TASOR: variants seen among roughly 807,000 people sequenced by gnomAD.
TASOR encodes protein TASOR.
A neutral mutation model predicts 178.6 loss-of-function variants in TASOR; 53 were observed. The observed-to-expected ratio is 0.30, with a 90% CI of 0.24 to 0.37. The LOEUF is 0.37. Among genes scored for constraint, TASOR ranks in the 10% least tolerant of loss-of-function variants. The probability of loss-of-function intolerance (pLI) is 1.00; values close to 1 mark genes in which losing one functional copy is unlikely to be tolerated. For synonymous variants in TASOR, 713 were observed against 696.2 expected, an observed-to-expected ratio of 1.02 and a Z score of -0.38; for missense variants, 1,815 against 1,971.4, an observed-to-expected ratio of 0.92 and a Z score of 1.50.
At chr3:56,627,527 T>A in intron 20 of TASOR, 55 bp downstream of exon 20, 1 of 1,578,048 alleles carries the variant, frequency 6.3e-7, no homozygotes, top group African/African-American at 1.3e-5. Context: ...GACAGTACAT[T>A]AAAAAGTATG....
At chr3:56,676,005 T>C (rs889299400) in intron 1 of TASOR, among the ~76,000 whole-genome samples, 1 of 152,242 alleles carries the variant, frequency 6.6e-6, no homozygotes, top group Non-Finnish European at 1.5e-5. Context: ...TCAACAGTTA[T>C]AGCAATACAA....
chr3:56,678,921 A>T (rs978626909), intron 1 of TASOR, among the ~76,000 whole-genome samples: 2 of 151,490 alleles, frequency 1.3e-5, no homozygotes, highest in Non-Finnish European at 1.5e-5. Context: ...CTAAGGAAGG[A>T]GAATCCTTTG....
intron 1 of TASOR, among the ~76,000 whole-genome samples, chr3:56,674,312 G>C (rs1666578840): frequency 6.6e-6 from 1 of 150,676 alleles, no homozygotes. Flanking sequence ...AGCAGCCTGG[G>C]CAACACAGTG....
rs901487885 is a variant in TASOR, at chr3:56,641,373, A to G, written c.2595T>C (p.Thr865=). 6.9e-6 allele frequency: 11 copies of G among 1,595,394 alleles called. No homozygotes were observed. The highest frequency in any genetic ancestry group is 9.4e-6 in the Non-Finnish European group (11 of 1,164,174). ...SVAISTSEVG[T]DHKLHLKEDP... is the part of the protein sequence containing the mutation. Reference sequence around the variant, plus strand: ...CTTCTTTCAAATGTAGCTTATGGTCAGTGCCCACTTCGCTGGTAGAAATAG... The same window carrying G: ...CTTCTTTCAAATGTAGCTTATGGTCGGTGCCCACTTCGCTGGTAGAAATAG... Residue 865 remains threonine, a synonymous_variant, in exon 15 of 24, where the codon ACT becomes ACC. Coordinates refer to ENST00000683822, the MANE Select transcript of TASOR (RefSeq NM_001365635.2).
chr3:56,671,140 A>C (rs2030684681), intron 3 of TASOR, among the ~76,000 whole-genome samples: 1 of 151,926 alleles, frequency 6.6e-6, no homozygotes, highest in African/African-American at 2.4e-5. Context: ...GGAGTTCAAG[A>C]CCAGCCTGGC....
intron 1 of TASOR, among the ~76,000 whole-genome samples, chr3:56,675,521 C>A (rs1299209401): frequency 6.6e-6 from 1 of 152,148 alleles, no homozygotes; most frequent in Admixed American, 6.5e-5. Context: ...GCAATTAGTT[C>A]TTGAGAATTA....
rs758604084 is a variant in TASOR, at chr3:56,647,105, A to G, written c.1632T>C (p.Asn544=). 2.5e-6 allele frequency: 4 copies of G among 1,606,912 alleles called. No homozygotes were observed. The highest frequency in any genetic ancestry group is 1.1e-5 in the South Asian group (1 of 88,800). Residue 544 remains asparagine (N), a synonymous_variant, in exon 14 of 24, where the codon AAT becomes AAC. Coordinates refer to ENST00000683822, the MANE Select transcript of TASOR (RefSeq NM_001365635.2). ...CAGAATGAAAATTTATGGCGCTTAT[A>G]TTTTTGAATTCCTTTCGACACTGAA... The part of the protein sequence containing the change: ...SLIQCRKEFK[N]ISAINFHSVV...
rs1391492710 is a variant in TASOR at position 56,633,546 on chromosome 3, T to A, written c.3245A>T (p.His1082Leu). The change falls in exon 18 of 24, where the codon CAT (histidine) becomes CTT (leucine). Residue 1082 changes from histidine (H) to leucine (L), a missense_variant. Transcript: ENST00000683822. The part of the protein sequence containing the change: ...AGVQEFVDGL[H>L]EKLNTIIIKA... ...AATAATAATAGTATTTAGCTTCTCA[T>A]GCAAACCATCTACAAACTCCTGCAC... The A allele has an allele frequency of 1.2e-6, 2 of 1,614,064 alleles. No individual in the cohort carries two copies. The highest frequency in any genetic ancestry group is 3.3e-5 in the Admixed American group (2 of 60,016).
intron 11 of TASOR, among the ~76,000 whole-genome samples, chr3:56,652,874 T>C (rs1459863615): frequency 6.6e-6 from 1 of 152,150 alleles, no homozygotes; most frequent in African/African-American, 2.4e-5. Flanking sequence ...AAGATAGTTA[T>C]GATGAAGTTA....
chr3:56,638,652 T>A, intron 17 of TASOR, 54 bp downstream of exon 17: 1 of 1,587,352 alleles, frequency 6.3e-7, no homozygotes, highest in South Asian at 1.1e-5. Context: ...GAAATGCAAG[T>A]AGCAACTCTG....
At chr3:56,668,973 CA>C (rs1475005722) in intron 5 of TASOR, among the ~76,000 whole-genome samples, 1 of 147,864 alleles carries the variant, frequency 6.8e-6, no homozygotes, top group Non-Finnish European at 1.5e-5. Context: ...ACTCCGTCTC[CA>C]AAAAATAAAT....
At chr3:56,655,019 G>A (rs2077440723) in intron 11 of TASOR, among the ~76,000 whole-genome samples, 1 of 152,094 alleles carries the variant, frequency 6.6e-6, no homozygotes, top group Non-Finnish European at 1.5e-5. Flanking sequence ...TATTGGTTCT[G>A]TTTCTCTGCA....
Position 56,640,150 on chromosome 3 carries a change from C to T in TASOR, c.2620-20G>A, listed in dbSNP as rs1169449003. The T allele has an allele frequency of 6.2e-7, 1 of 1,603,930 alleles. No individual in the cohort carries two copies. Among genetic ancestry groups the T allele is most frequent in the Non-Finnish European group, 8.5e-7 (1 of 1,173,982 alleles). On this transcript the variant is annotated intron_variant, in intron 15 of 23. Transcript: ENST00000683822. ...TGGATCCTAAAAATCAAAGTACACA[C>T]TGAATAGCTTTATTTCCAATTCATT...
At position 56,668,435 on chromosome 3, in the gene TASOR, T is replaced by C; in HGVS notation, c.859A>G (p.Thr287Ala). 6.4e-7 allele frequency: 1 copy of C among 1,551,702 alleles called. No homozygotes were observed. Among genetic ancestry groups the C allele is most frequent in the Non-Finnish European group, 8.7e-7 (1 of 1,146,992 alleles). Residue 287 changes from threonine (T) to alanine (A), a missense_variant, in exon 6 of 24, where the codon ACA (threonine) becomes GCA (alanine). Physicochemically the swap from Thr to Ala is moderately conservative, Grantham distance 58. This residue lies in a region of TASOR where 504 missense variants were observed against 645.3 expected (regional missense o/e 0.78). Transcript: ENST00000683822. The stretch of plus-strand genomic sequence containing the variant: ...TAGGCTCTGTAAGCCAAAAGTGATG[T>C]AATTCGATTGGCATTCTTTGACACG... ...CHVSKNANRI[T>A]SLLAYRAYEL...
rs774495413 is a variant in TASOR at position 56,633,431 on chromosome 3, G to T, written c.3360C>A (p.Val1120=). ...TGAAGTCACTTGAGGAAACTGGTAT[G>T]ACATGCCTTTCCAGAGGATTCGATG... is the stretch of plus-strand genomic sequence containing the variant. ...KIASNPLERH[V]IPVSSSDFNN... The change falls in exon 18 of 24, where the codon GTC becomes GTA. Residue 1120 remains valine, a synonymous_variant. Transcript: ENST00000683822. 20 of 1,614,096 alleles carry T rather than the reference G, an allele frequency of 1.2e-5. No homozygotes were observed. The highest frequency in any genetic ancestry group is 1.4e-5 in the Non-Finnish European group (17 of 1,179,988).
At chr3:56,651,851 A>C (rs1250553460) in intron 11 of TASOR, among the ~76,000 whole-genome samples, 3 of 152,334 alleles carry the variant, frequency 2.0e-5, no homozygotes, top group African/African-American at 7.2e-5. Flanking sequence ...ACATAAAATA[A>C]TTGGAAGAAT....
Position 56,621,407 on chromosome 3 carries a change from T to A in TASOR, c.*1630A>T, listed in dbSNP as rs1578162223. 2 of 598,692 alleles carry A rather than the reference T, an allele frequency of 3.3e-6. No individual in the cohort carries two copies. Among genetic ancestry groups the A allele is most frequent in the Middle Eastern group, 2.9e-4 (1 of 3,484 alleles). The allele number at this position is 598,692 out of a possible 1,614,324, so 37.1% of individuals were successfully genotyped here. On this transcript the variant is annotated 3_prime_UTR_variant, in exon 24 of 24. Coordinates refer to ENST00000683822, the MANE Select transcript of TASOR (RefSeq NM_001365635.2). ...TCTAGTACAAGCATTTCTGAAAAAA[T>A]TTTTGAATGACAAAATTTTATCCTA...
At chr3:56,664,938 A>G (rs1226733569) in intron 7 of TASOR, among the ~76,000 whole-genome samples, 4 of 152,198 alleles carry the variant, frequency 2.6e-5, no homozygotes, top group African/African-American at 9.7e-5. Context: ...GCTCTGGAAT[A>G]CCAAGGCAGG....
chr3:56,669,539 C>A (rs555031244), intron 5 of TASOR, among the ~76,000 whole-genome samples, 161 bp downstream of exon 5: 17 of 151,972 alleles, frequency 1.1e-4, no homozygotes, highest in African/African-American at 1.4e-4. Context: ...AACACACACA[C>A]AAAAAAAGAT....
Sources: gnomAD v4.1 joint callset for allele counts (sites outside exome capture counted in the v4.1 genomes callset) on GRCh38, gnomAD v4.1.1 for gene constraint, gnomAD v4.1.1 regional missense constraint, MANE v1.5 for transcripts, NCBI Gene and HGNC (gene_info 2026-07-23, HGNC 2026-07-21) for gene names.